AK1: variants seen among roughly 807,000 people sequenced by gnomAD.
AK1 encodes adenylate kinase 1, also known as adenylate kinase isoenzyme 1.
In AK1, 13 loss-of-function variants were observed where a neutral mutation model predicts 23.9. That is an observed-to-expected ratio of 0.54 (90% CI 0.35 to 0.86). The LOEUF (loss-of-function observed/expected upper bound fraction) is 0.86. AK1 is among the 40% of genes least tolerant of loss of function. AK1 has a pLI of 0.01. For synonymous variants in AK1, 97 were observed against 102.8 expected (o/e 0.94, Z 0.34); for missense variants, 214 against 255.1 (o/e 0.84, Z 1.10).
chr9:127,875,258 C>A (rs943056676), intron 1 of AK1, among the ~76,000 whole-genome samples: 17 of 151,986 alleles, frequency 1.1e-4, no homozygotes, highest in Admixed American at 9.8e-4. Context: ...GCCCAACAAC[C>A]AGCCCCACGC....
At chr9:127,878,769 A>G (rs532412276), upstream of AK1, among the ~76,000 whole-genome samples, 1 of 152,286 alleles carries the variant, frequency 6.6e-6, no homozygotes, top group South Asian at 2.1e-4. Flanking sequence ...ATGTCAGATA[A>G]GTCCTTACTT....
At chr9:127,879,606 A>T (rs1829604400), upstream of AK1, 1 of 146,448 alleles carries the variant, frequency 6.8e-6, no homozygotes, top group African/African-American at 2.5e-5. Flanking sequence ...CTGGGCAACA[A>T]GGCAAGAAGA....
intron 2 of AK1, 75 bp from the exon 3 acceptor site, chr9:127,873,136 G>C (rs1318462428): frequency 6.3e-7 from 1 of 1,576,488 alleles, no homozygotes; most frequent in Admixed American, 1.9e-5. Flanking sequence ...GGAGTCCCAG[G>C]CCTGTGCTGG....
At position 127,866,857 on chromosome 9, in the gene AK1, T is replaced by C. The variant is rs2131386427; in HGVS notation, c.*1151A>G. On this transcript the variant is annotated 3_prime_UTR_variant, in exon 7 of 7. Coordinates refer to ENST00000644144, the MANE Select transcript of AK1 (RefSeq NM_000476.3). ...CAGCGTCCACTCCTCACTCAGTGTG[T>C]TCTCATCCTGACCTTGAGGTGGGGG... 6.6e-6 allele frequency: 1 copy of C among 152,434 alleles called. No individual in the cohort carries two copies. Among genetic ancestry groups the C allele is most frequent in the South Asian group, 2.1e-4 (1 of 4,820 alleles). 9.4% of individuals were successfully genotyped at this position (152,434 alleles called of 1,614,324 possible).
chr9:127,870,757 C>T (rs1270206448), intron 5 of AK1, among the ~76,000 whole-genome samples: 1 of 151,962 alleles, frequency 6.6e-6, no homozygotes, highest in East Asian at 1.9e-4. Context: ...GGCCTCCTAT[C>T]CCCAGATGAG....
chr9:127,876,010 G>A (rs1415014492), intron 1 of AK1, among the ~76,000 whole-genome samples: 1 of 152,126 alleles, frequency 6.6e-6, no homozygotes, highest in Non-Finnish European at 1.5e-5. Flanking sequence ...TGGCCCTCTC[G>A]GCTCCCAGAC....
At chr9:127,877,784 A>T (rs1198944076), upstream of AK1, 1 of 152,330 alleles carries the variant, frequency 6.6e-6, no homozygotes, top group Admixed American at 6.5e-5. This position sits in a 1 kb window ranked among gnomAD's most constrained non-coding sequence, Gnocchi z 5.2. Context: ...AGAGCGGACC[A>T]GGGACCGGGA....
At chr9:127,873,542 A>G (rs1297008878) in intron 2 of AK1, 2 of 1,438,974 alleles carry the variant, frequency 1.4e-6, no homozygotes, top group African/African-American at 2.9e-5. Flanking sequence ...GTGGGGGCTT[A>G]GCAACCACAA....
At position 127,874,640 on chromosome 9, in the gene AK1, T is replaced by C. The variant is rs1216437129; in HGVS notation, c.-23A>G. ...CATCCTGCCGAGGTCCCGGGAGCCG[T>C]GTCAGTGCTCTGTAAGACAAGGGCA... On this transcript the variant is annotated 5_prime_UTR_variant, in exon 2 of 7. Coordinates refer to ENST00000644144, the MANE Select transcript of AK1 (RefSeq NM_000476.3). 6.2e-7 allele frequency: 1 copy of C among 1,613,720 alleles called. No individual in the cohort carries two copies. The highest frequency in any genetic ancestry group is 8.5e-7 in the Non-Finnish European group (1 of 1,179,958).
rs373262576 is a variant in AK1, at chr9:127,872,673, C to T, written c.207+17G>A. The T allele has an allele frequency of 3.7e-6, 6 of 1,613,854 alleles. No individual in the cohort carries two copies. The African/African-American group carries it at 4.0e-5, about 11-fold the overall frequency. On this transcript the variant is annotated intron_variant, in intron 4 of 6. Coordinates refer to ENST00000644144, the MANE Select transcript of AK1 (RefSeq NM_000476.3). ...TACTGTCATCCCCTGCCTCTCACCC[C>T]ACCAGGGCCCACTCACCAGTGGAAC...
rs553861986 is a variant in AK1, at chr9:127,871,004, C to T, written c.324+819G>A. Among the ~76,000 whole-genome samples, 10 of 151,902 alleles carry T rather than the reference C, an allele frequency of 6.6e-5. No individual in the cohort carries two copies. In the South Asian group the frequency reaches 8.3e-4, roughly 13 times the overall value. ...ATGTGTGTGCACAGGGCCATGTGTG[C>T]GAGCACGTGTGCATTCCTGCATATG... is the stretch of plus-strand genomic sequence containing the variant. On this transcript the variant is annotated intron_variant, in intron 5 of 6. Coordinates refer to ENST00000644144, the MANE Select transcript of AK1 (RefSeq NM_000476.3). This position sits in a 1 kb window ranked among gnomAD's most constrained non-coding sequence, Gnocchi z 4.4.
At position 127,875,038 on chromosome 9, in the gene AK1, C is replaced by T. The variant is rs892631171; in HGVS notation, c.-32-389G>A. The T allele has an allele frequency of 1.5e-5, 4 of 267,808 alleles. No homozygotes were observed. In the Admixed American group the frequency reaches 1.8e-4, roughly 12 times the overall value. 16.6% of individuals were successfully genotyped at this position (267,808 alleles called of 1,614,324 possible). The stretch of plus-strand genomic sequence containing the variant: ...ACAGGGCGCAGGGCCAGCGTCTGCC[C>T]AGACACCTTGACAACGCTCCCCAGG... On this transcript the variant is annotated intron_variant, in intron 1 of 6. Coordinates refer to ENST00000644144, the MANE Select transcript of AK1 (RefSeq NM_000476.3).
Position 127,868,301 on chromosome 9 carries a change from C to T in AK1, c.516+20G>A. ...GGAACCCGTTCTTCCCGGAGCTGCC[C>T]CTGGGCCCGCGGGGCCCACCTTGCG... On this transcript the variant is annotated intron_variant, in intron 6 of 6. Transcript: ENST00000644144. The surrounding 1 kb of genome is among the most constrained non-coding windows in gnomAD (Gnocchi z 4.1). 1 of 1,560,270 alleles carries T rather than the reference C, an allele frequency of 6.4e-7. No individual in the cohort carries two copies. The highest frequency in any genetic ancestry group is 1.2e-5 in the South Asian group (1 of 85,550).
upstream of AK1, among the ~76,000 whole-genome samples, chr9:127,879,082 C>CAT (rs2131422682): frequency 6.6e-6 from 1 of 151,354 alleles, no homozygotes; most frequent in South Asian, 2.1e-4. Flanking sequence ...CACACACACA[C>CAT]ACACACACAC....
At chr9:127,873,788 G>C (rs1829474976) in intron 2 of AK1, 1 of 985,422 alleles carries the variant, frequency 1.0e-6, no homozygotes, top group Non-Finnish European at 1.2e-6. Flanking sequence ...GGGCTTTCAG[G>C]CTCCCCCGCT....
In AK1 at chr9:127,872,861, C is replaced by T. The variant is rs746011742; in HGVS notation, c.44-8G>A. 1.1e-5 allele frequency: 17 copies of T among 1,614,012 alleles called. 1 individual carries two copies. In the East Asian group the frequency reaches 1.3e-4, roughly 13 times the overall value. On this transcript the variant is annotated splice_polypyrimidine_tract_variant and splice_region_variant and intron_variant, in intron 3 of 6. Transcript: ENST00000644144. ...TCCCTGAGCCAGGCCCACCTGCAAA[C>T]GCCCACCCATTCATAAACCCCGAGA...
intron 2 of AK1, chr9:127,874,273 AG>A: frequency 1.0e-6 from 1 of 985,348 alleles, no homozygotes; most frequent in Non-Finnish European, 1.2e-6. Context: ...AGTCCCGGAG[AG>A]GTACGGGGAA....
chr9:127,869,909 A>G (rs1829347848), intron 5 of AK1, among the ~76,000 whole-genome samples: 1 of 152,240 alleles, frequency 6.6e-6, no homozygotes, highest in Non-Finnish European at 1.5e-5. Context: ...GAGCCAGCTC[A>G]GCCTCTGGGC....
chr9:127,874,496 G>A (rs757319877), intron 2 of AK1, 115 bp downstream of exon 2: 37 of 1,604,722 alleles, frequency 2.3e-5, no homozygotes, highest in African/African-American at 6.7e-5. Flanking sequence ...GGCCCCCTCC[G>A]GCAGCCCCAG....
Sources: gnomAD v4.1 joint callset for allele counts (sites outside exome capture counted in the v4.1 genomes callset) on GRCh38, gnomAD v4.1.1 for gene constraint, Gnocchi (gnomAD v3.1) non-coding constraint, MANE v1.5 for transcripts, NCBI Gene and HGNC (gene_info 2026-07-23, HGNC 2026-07-21) for gene names.